Variants in DGKH observed in about 807,000 individuals in gnomAD.
DGKH encodes the protein diacylglycerol kinase eta, also known as DAG kinase eta.
A neutral mutation model predicts 159.3 loss-of-function variants in DGKH; 90 were observed. That is an observed-to-expected ratio of 0.57 (90% CI 0.48 to 0.67). The LOEUF is 0.67. Among genes scored for constraint, DGKH ranks in the 30% least tolerant of loss-of-function variants. DGKH has a pLI of 0.00. For synonymous variants in DGKH, 536 were observed against 553.8 expected (o/e 0.97, Z 0.45); for missense variants, 1,181 against 1,506.1 (o/e 0.78, Z 3.57).
chr13:42,065,465 G>C (rs1269288919), intron 1 of DGKH, among the ~76,000 whole-genome samples: 1 of 152,188 alleles, frequency 6.6e-6, no homozygotes, highest in Non-Finnish European at 1.5e-5. Context: ...CTCTTAGAGA[G>C]GCAACACCCT....
intron 2 of DGKH, 99 bp from the exon 3 acceptor site, chr13:42,129,453 C>T: frequency 2.0e-6 from 2 of 1,004,190 alleles, no homozygotes; most frequent in Non-Finnish European, 2.9e-6. Context: ...ACTTTTTTCC[C>T]CCATTTTCTA....
chr13:42,111,429 A>G (rs9525575), intron 1 of DGKH, among the ~76,000 whole-genome samples: 20,585 of 152,100 alleles, frequency 0.14, 1,595 homozygotes, highest in South Asian at 0.18. Flanking sequence ...AAAATACAAA[A>G]ATTAGCCGGG....
chr13:42,084,798 A>T (rs1347200252), intron 1 of DGKH, among the ~76,000 whole-genome samples: 2 of 151,972 alleles, frequency 1.3e-5, no homozygotes, highest in South Asian at 4.1e-4. Flanking sequence ...AATGACAAGG[A>T]CTTTAATGCC....
intron 1 of DGKH, among the ~76,000 whole-genome samples, chr13:42,049,934 A>T (rs952599663): frequency 6.6e-6 from 1 of 152,246 alleles, no homozygotes; most frequent in Non-Finnish European, 1.5e-5. Flanking sequence ...TTTAACGAGG[A>T]TATTGAAAAC....
chr13:42,081,679 C>T (rs927152720), intron 1 of DGKH, among the ~76,000 whole-genome samples: 6 of 152,354 alleles, frequency 3.9e-5, no homozygotes, highest in Admixed American at 3.3e-4. Context: ...CCACCTCAGG[C>T]TGTTTTCTCA....
rs1274965064 is a variant in DGKH at position 42,242,650 on chromosome 13, A to T, written c.*13462A>T. On this transcript the variant is annotated 3_prime_UTR_variant, in exon 30 of 30. Coordinates refer to ENST00000337343, the MANE Select transcript of DGKH (RefSeq NM_178009.5). ...TATATTGTTACATTTCCTTGTACAG[A>T]TAATTTTGGTGGCTTTGTTAATGTA... is the stretch of plus-strand genomic sequence containing the variant. The T allele has an allele frequency of 2.6e-5, 4 of 152,204 alleles. No individual in the cohort carries two copies. The highest frequency in any genetic ancestry group is 5.9e-5 in the Non-Finnish European group (4 of 68,032). 9.4% of individuals were successfully genotyped at this position (152,204 alleles called of 1,614,324 possible). A position where few individuals can be genotyped will look rare whatever the true frequency, so the allele number is the denominator to read the frequency against.
chr13:42,198,442 A>G, intron 17 of DGKH, 36 bp from the exon 18 acceptor site: 1 of 1,575,924 alleles, frequency 6.3e-7, no homozygotes, highest in Non-Finnish European at 8.7e-7. Flanking sequence ...TTTTTTCTTA[A>G]CATGCGATCC....
intron 1 of DGKH, among the ~76,000 whole-genome samples, chr13:42,042,613 A>C (rs1213077575): frequency 6.6e-6 from 1 of 152,174 alleles, no homozygotes; most frequent in Non-Finnish European, 1.5e-5. Flanking sequence ...TTCATTCCGC[A>C]CCTATTATGT....
chr13:42,069,407 C>T (rs1882805646), intron 1 of DGKH: 6 of 1,534,702 alleles, frequency 3.9e-6, no homozygotes. Context: ...TCAAACTTTT[C>T]AATTCTAGTT....
At chr13:42,222,231 A>G (rs1957994014) in intron 29 of DGKH, among the ~76,000 whole-genome samples, 1 of 152,206 alleles carries the variant, frequency 6.6e-6, no homozygotes, top group South Asian at 2.1e-4. Context: ...ATAAGTAGTA[A>G]CGTTTGTTGG....
Position 42,187,981 on chromosome 13 carries a change from A to G in DGKH, c.1638+833A>G, listed in dbSNP as rs1680432578. On this transcript the variant is annotated intron_variant, in intron 14 of 29. Coordinates refer to ENST00000337343, the MANE Select transcript of DGKH (RefSeq NM_178009.5). ...TGGTTCACAACAGGACCTTCTTACAAAAGGCTTGAGTATCTTGGGCTTGCA... is the reference window on the plus strand; with the variant it reads ...TGGTTCACAACAGGACCTTCTTACAGAAGGCTTGAGTATCTTGGGCTTGCA... 3.9e-5 allele frequency among the ~76,000 whole-genome samples: 6 copies of G among 152,206 alleles called. No homozygotes were observed. In the South Asian group the frequency reaches 1.0e-3, roughly 26 times the overall value.
chr13:42,118,142 G>A (rs1255161727), intron 1 of DGKH, among the ~76,000 whole-genome samples: 2 of 152,080 alleles, frequency 1.3e-5, no homozygotes, highest in Admixed American at 1.3e-4. Flanking sequence ...GCATGAACCC[G>A]GGAGGCGGAG....
chr13:42,253,150 A>G (rs73460157), intron 30 of DGKH, among the ~76,000 whole-genome samples: 3,764 of 152,248 alleles, frequency 0.025, 142 homozygotes, highest in African/African-American at 0.081. Flanking sequence ...GCTGAGTGCT[A>G]TAGTCTAGTT....
At chr13:42,256,213 G>A (rs1958656296) in intron 30 of DGKH, 2 of 1,393,118 alleles carry the variant, frequency 1.4e-6, no homozygotes, top group South Asian at 1.2e-5. Flanking sequence ...GACATTTTGA[G>A]TTGAATGTTT....
At position 42,207,108 on chromosome 13, in the gene DGKH, T is replaced by TCTTA. The variant is rs1442467171; in HGVS notation, c.2601+965_2601+966insACTT. Among the ~76,000 whole-genome samples the TCTTA allele has an allele frequency of 1.1e-4, 15 of 135,474 alleles. 1 individual carries two copies. The highest frequency in any genetic ancestry group is 2.1e-4 in the Non-Finnish European group (13 of 62,860). The allele number at this position is 135,474 out of a possible 152,430, so 88.9% of individuals were successfully genotyped here. ...TTCTTTCTTTCTTTCTTTCTTTCTT[T>TCTTA]CTTTCTCTTTCTCTCTCCTTCCTTC... is the stretch of plus-strand genomic sequence containing the variant. On this transcript the variant is annotated intron_variant, in intron 21 of 29. Transcript: ENST00000337343.
At chr13:42,125,804 G>A (rs663701) in intron 1 of DGKH, among the ~76,000 whole-genome samples, 56,624 of 152,068 alleles carry the variant, frequency 0.37, 10,991 homozygotes, top group African/African-American at 0.45. Flanking sequence ...TGTGGAATCA[G>A]ACAGACAGAA....
chr13:42,192,212 C>A (rs750771389), intron 16 of DGKH, among the ~76,000 whole-genome samples: 1 of 152,100 alleles, frequency 6.6e-6, no homozygotes, highest in Non-Finnish European at 1.5e-5. Flanking sequence ...ACCTCATGGA[C>A]CTCACATGTT....
chr13:42,184,714 T>A (rs997607188), intron 13 of DGKH, among the ~76,000 whole-genome samples: 1 of 151,842 alleles, frequency 6.6e-6, no homozygotes, highest in African/African-American at 2.4e-5. Context: ...AAAATTTTTT[T>A]AAATTAGCTC....
intron 1 of DGKH, among the ~76,000 whole-genome samples, chr13:42,111,556 G>A (rs898659503): frequency 2.0e-5 from 3 of 152,144 alleles, no homozygotes; most frequent in Admixed American, 1.3e-4. Flanking sequence ...CTCCAGCCTG[G>A]GGAAGAGTGA....
Sources: allele counts gnomAD v4.1 joint callset (sites outside exome capture counted in the v4.1 genomes callset), GRCh38; gene constraint gnomAD v4.1.1; transcripts MANE v1.5; gene names NCBI Gene and HGNC (gene_info 2026-07-23, HGNC 2026-07-21).